The following CORIN variants were observed in gnomAD, a reference collection of about 807,000 sequenced individuals.
CORIN encodes corin, serine peptidase.
In CORIN, 117 loss-of-function variants were observed where a neutral mutation model predicts 125.3. That is an observed-to-expected ratio of 0.93 (90% CI 0.80 to 1.09). The LOEUF is 1.09. CORIN is among the 50% of genes least tolerant of loss of function. The pLI is 0.00. For synonymous variants in CORIN, 450 were observed against 466.4 expected (o/e 0.96, Z 0.45); for missense variants, 1,253 against 1,306.7 (o/e 0.96, Z 0.63).
At chr4:47,802,639 C>T (rs550901682) in intron 2 of CORIN, among the ~76,000 whole-genome samples, 9 of 152,252 alleles carry the variant, frequency 5.9e-5, no homozygotes, top group East Asian at 1.9e-4. Flanking sequence ...TACTTCAATC[C>T]GTGGCTCCAA....
intron 5 of CORIN, among the ~76,000 whole-genome samples, chr4:47,709,318 A>G (rs926973088): frequency 6.6e-6 from 1 of 151,736 alleles, no homozygotes. Context: ...TTTAGACACA[A>G]GGTCTCCCTC....
intron 3 of CORIN, among the ~76,000 whole-genome samples, chr4:47,784,865 AC>A (rs1434455778): frequency 2.0e-5 from 3 of 152,246 alleles, no homozygotes; most frequent in African/African-American, 7.2e-5. Flanking sequence ...AACACTATGC[AC>A]AACAAACAGT....
At chr4:47,679,531 T>C (rs1725170410) in intron 8 of CORIN, 1 of 152,444 alleles carries the variant, frequency 6.6e-6, no homozygotes, top group Non-Finnish European at 1.5e-5. Context: ...ACCCAGCTAA[T>C]TTTTGTATTT....
intron 3 of CORIN, among the ~76,000 whole-genome samples, chr4:47,768,141 G>A (rs1290598782): frequency 6.6e-6 from 1 of 152,074 alleles, no homozygotes; most frequent in Non-Finnish European, 1.5e-5. Flanking sequence ...CTGCCCTCTG[G>A]AGAACAACCC....
intron 5 of CORIN, among the ~76,000 whole-genome samples, chr4:47,711,897 T>G (rs906358863): frequency 2.6e-5 from 4 of 152,232 alleles, no homozygotes; most frequent in Non-Finnish European, 4.4e-5. Context: ...TTTACTCACG[T>G]TAGCTATAAA....
At chr4:47,697,706 G>A (rs1726084222) in intron 5 of CORIN, among the ~76,000 whole-genome samples, 1 of 151,916 alleles carries the variant, frequency 6.6e-6, no homozygotes, top group South Asian at 2.1e-4. Context: ...AACAGAGGGA[G>A]ACTCTGTCTC....
At chr4:47,626,168 C>T (rs1211156206) in intron 17 of CORIN, among the ~76,000 whole-genome samples, 2 of 152,130 alleles carry the variant, frequency 1.3e-5, no homozygotes, top group African/African-American at 4.8e-5. Context: ...CCAAGTTCCT[C>T]TCTCCTCGCC....
At chr4:47,728,573 A>G (rs542534218) in intron 5 of CORIN, among the ~76,000 whole-genome samples, 19 of 152,348 alleles carry the variant, frequency 1.2e-4, no homozygotes, top group African/African-American at 3.8e-4. Context: ...AGTAATCAGA[A>G]CTGATTATTG....
At chr4:47,756,764 C>G (rs2109858130) in intron 4 of CORIN, among the ~76,000 whole-genome samples, 1 of 152,278 alleles carries the variant, frequency 6.6e-6, no homozygotes, top group Admixed American at 6.5e-5. Context: ...AAGTTAAAAT[C>G]TCACTTCAGG....
intron 19 of CORIN, among the ~76,000 whole-genome samples, chr4:47,604,999 T>C (rs1345944551): frequency 3.3e-5 from 5 of 152,166 alleles, no homozygotes; most frequent in African/African-American, 9.7e-5. Flanking sequence ...CTTGCTAATT[T>C]TGAACATGCC....
intron 6 of CORIN, among the ~76,000 whole-genome samples, chr4:47,687,082 C>T (rs149839391): frequency 2.2e-3 from 333 of 152,248 alleles, no homozygotes; most frequent in African/African-American, 7.8e-3. Context: ...ATTGTTCTCC[C>T]AGGTGTGGAT....
At chr4:47,810,370 A>T (rs1274241341) in intron 1 of CORIN, among the ~76,000 whole-genome samples, 2 of 151,992 alleles carry the variant, frequency 1.3e-5, no homozygotes, top group African/African-American at 4.8e-5. Context: ...TTTTTTGTAG[A>T]GACAGGATTT....
At chr4:47,805,729 C>A (rs1010662240) in intron 2 of CORIN, among the ~76,000 whole-genome samples, 3 of 152,222 alleles carry the variant, frequency 2.0e-5, no homozygotes, top group African/African-American at 7.2e-5. Context: ...AGCCTAATAT[C>A]TATTAATAGA....
chr4:47,831,179 G>C (rs1460856881), intron 1 of CORIN, among the ~76,000 whole-genome samples: 1 of 152,194 alleles, frequency 6.6e-6, no homozygotes, highest in Non-Finnish European at 1.5e-5. Context: ...GCCTGATTAA[G>C]CATTGACACT....
intron 11 of CORIN, among the ~76,000 whole-genome samples, chr4:47,664,735 T>A (rs919393233): frequency 6.6e-6 from 1 of 152,106 alleles, no homozygotes; most frequent in Non-Finnish European, 1.5e-5. Flanking sequence ...CATACTTTTT[T>A]AAAAAAATGG....
intron 16 of CORIN, among the ~76,000 whole-genome samples, chr4:47,626,998 T>G (rs200705451): frequency 0.26 from 39,091 of 149,924 alleles, 5,241 homozygotes; most frequent in Admixed American, 0.35. Context: ...TTGTTGTTTT[T>G]TTTTTGATGA....
At chr4:47,600,407 A>C (rs1354249308) in intron 20 of CORIN, 60 bp from the exon 21 acceptor site, 4 of 1,222,902 alleles carry the variant, frequency 3.3e-6, no homozygotes, top group Non-Finnish European at 4.5e-6. Context: ...AAGTGAGGCT[A>C]GTGAGGCTAG....
At chr4:47,644,576 A>C (rs1723383267) in intron 14 of CORIN, among the ~76,000 whole-genome samples, 1 of 152,214 alleles carries the variant, frequency 6.6e-6, no homozygotes, top group Admixed American at 6.5e-5. Context: ...GAAAAGATAG[A>C]AAAGCACAAA....
chr4:47,739,746 T>C (rs1295960656), intron 5 of CORIN, among the ~76,000 whole-genome samples: 1 of 151,936 alleles, frequency 6.6e-6, no homozygotes, highest in Non-Finnish European at 1.5e-5. Context: ...AATAAACCTA[T>C]GTTGAGATTA....
Sources: gnomAD v4.1 joint callset for allele counts (sites outside exome capture counted in the v4.1 genomes callset) on GRCh38, gnomAD v4.1.1 for gene constraint, MANE v1.5 for transcripts, NCBI Gene and HGNC (gene_info 2026-07-23, HGNC 2026-07-21) for gene names.